AOPEP: variants seen among roughly 807,000 people sequenced by gnomAD.
AOPEP encodes the protein aminopeptidase O (putative), also known as aminopeptidase O.
A neutral mutation model predicts 98.1 loss-of-function variants in AOPEP; 77 were observed. The ratio of observed to expected loss-of-function variants is 0.78; its 90% CI spans 0.65 to 0.95. AOPEP has a LOEUF of 0.95. Among genes scored for constraint, AOPEP ranks in the 40% least tolerant of loss-of-function variants. The pLI, the probability that AOPEP is intolerant of heterozygous loss-of-function variation, is 0.00. For synonymous variants in AOPEP, 346 were observed against 365.3 expected, an observed-to-expected ratio of 0.95 and a Z score of 0.60; for missense variants, 1,024 against 1,024.7, an observed-to-expected ratio of 1.00 and a Z score of 0.01.
the AOPEP span, chr9:95,100,444 C>T: frequency 1.3e-5 from 3 of 231,408 alleles, no homozygotes; most frequent in East Asian, 1.8e-4. Context: ...AAACTTTGCT[C>T]ATACCTCAAA....
In AOPEP at chr9:95,086,710, G is replaced by A. The variant is rs2070748039; in HGVS notation, c.*33G>A. 35 of 988,140 alleles carry A rather than the reference G, an allele frequency of 3.5e-5. No individual in the cohort carries two copies. In the South Asian group the frequency reaches 5.1e-4, roughly 15 times the overall value. The allele number at this position is 988,140 out of a possible 1,614,324, so 61.2% of individuals were successfully genotyped here. A position where few individuals can be genotyped will look rare whatever the true frequency, so the allele number is the denominator to read the frequency against. The stretch of plus-strand genomic sequence containing the variant: ...AGACCACAGCAAGATTCTTTCATTC[G>A]TCTCCTCCTAGCCTGGGGGACCAGG... On this transcript the variant is annotated 3_prime_UTR_variant, in exon 17 of 17. Coordinates refer to ENST00000375315, the MANE Select transcript of AOPEP (RefSeq NM_001193329.3).
the AOPEP span, chr9:95,111,079 G>A: frequency 6.6e-7 from 1 of 1,511,110 alleles, no homozygotes; most frequent in Non-Finnish European, 8.8e-7. Flanking sequence ...AGCGAGACAG[G>A]GCCCTGGCTG....
chr9:95,054,984 T>C (rs1384730215), intron 13 of AOPEP, among the ~76,000 whole-genome samples: 2 of 152,254 alleles, frequency 1.3e-5, no homozygotes, highest in African/African-American at 2.4e-5. Flanking sequence ...AGACTTCTAC[T>C]TGTAAGTTTC....
chr9:95,118,961 A>G, the AOPEP span, among the ~76,000 whole-genome samples: 1 of 152,196 alleles, frequency 6.6e-6, no homozygotes, highest in Non-Finnish European at 1.5e-5. Flanking sequence ...TCACAGATAG[A>G]TGCTTGTTTA....
At position 95,060,688 on chromosome 9, in the gene AOPEP, C is replaced by T; in HGVS notation, c.2116-6C>T. On this transcript the variant is annotated splice_region_variant and splice_polypyrimidine_tract_variant and intron_variant, in intron 13 of 16. Transcript: ENST00000375315. ...ATTTTCATAGGCTGTTTGGTTTTGT[C>T]TTTAGCTTCTTCCAGACCAGCTGGT... 6.3e-7 allele frequency: 1 copy of T among 1,599,994 alleles called. No individual in the cohort carries two copies. Among genetic ancestry groups the T allele is most frequent in the South Asian group, 1.1e-5 (1 of 90,806 alleles).
downstream of AOPEP, among the ~76,000 whole-genome samples, chr9:95,089,049 G>C (rs1347357463): frequency 6.6e-6 from 1 of 152,318 alleles, no homozygotes; most frequent in African/African-American, 2.4e-5. Context: ...CAGGCAGGAG[G>C]CTCCCCGAGG....
At chr9:95,016,141 T>C (rs867753016) in intron 13 of AOPEP, among the ~76,000 whole-genome samples, 189 of 151,600 alleles carry the variant, frequency 1.2e-3, no homozygotes, top group Admixed American at 2.4e-3. Flanking sequence ...TTTTTTTTTT[T>C]TCCCCCCACG....
chr9:95,115,764 T>C, the AOPEP span, among the ~76,000 whole-genome samples: 1 of 152,254 alleles, frequency 6.6e-6, no homozygotes, highest in East Asian at 1.9e-4. Flanking sequence ...CGGCCCTTGG[T>C]GCACAGCCTT....
intron 5 of AOPEP, among the ~76,000 whole-genome samples, chr9:94,880,882 T>C (rs1407916657): frequency 6.6e-6 from 1 of 152,178 alleles, no homozygotes; most frequent in Non-Finnish European, 1.5e-5. Flanking sequence ...GACTTTGGCA[T>C]AGGACCCACG....
the AOPEP span, among the ~76,000 whole-genome samples, chr9:95,097,465 A>T: frequency 6.6e-6 from 1 of 152,122 alleles, no homozygotes; most frequent in Non-Finnish European, 1.5e-5. Context: ...TGTGGAAAGG[A>T]GTGGGCACAA....
At chr9:94,917,229 G>T (rs2052965870) in intron 5 of AOPEP, among the ~76,000 whole-genome samples, 1 of 151,492 alleles carries the variant, frequency 6.6e-6, no homozygotes, top group South Asian at 2.1e-4. Flanking sequence ...TGCTCTGCTG[G>T]TCAGTAGCTG....
intron 14 of AOPEP, 99 bp downstream of exon 14, chr9:95,060,909 T>C: frequency 1.3e-6 from 1 of 791,062 alleles, no homozygotes; most frequent in South Asian, 1.4e-5. Context: ...CCACCATTTC[T>C]ATTAGCAAAA....
chr9:95,148,765 G>A, the AOPEP span, among the ~76,000 whole-genome samples: 1 of 152,172 alleles, frequency 6.6e-6, no homozygotes, highest in Non-Finnish European at 1.5e-5. Flanking sequence ...CAGACCAATG[G>A]GTTTCTAATG....
downstream of AOPEP, among the ~76,000 whole-genome samples, chr9:95,091,084 A>G (rs897387275): frequency 6.6e-6 from 1 of 152,182 alleles, no homozygotes; most frequent in Middle Eastern, 3.2e-3. Flanking sequence ...CAGTGACCTC[A>G]CCAAAGGCAG....
At chr9:94,981,588 GC>G (rs2060188052) in intron 11 of AOPEP, among the ~76,000 whole-genome samples, 1 of 152,106 alleles carries the variant, frequency 6.6e-6, no homozygotes. Flanking sequence ...TCTACTCTCA[GC>G]CCCTTTCCCA....
At chr9:95,027,165 G>A (rs1432283547) in intron 13 of AOPEP, among the ~76,000 whole-genome samples, 1 of 152,138 alleles carries the variant, frequency 6.6e-6, no homozygotes, top group Non-Finnish European at 1.5e-5. Context: ...GGGAGGCTGA[G>A]GTGGGAGGAT....
chr9:94,850,403 G>A (rs1291979829), intron 5 of AOPEP, among the ~76,000 whole-genome samples: 1 of 152,182 alleles, frequency 6.6e-6, no homozygotes, highest in Non-Finnish European at 1.5e-5. Flanking sequence ...GGACACTACA[G>A]AAATGACCAC....
At chr9:95,080,040 CCTCA>C (rs2069560595) in intron 14 of AOPEP, among the ~76,000 whole-genome samples, 1 of 152,282 alleles carries the variant, frequency 6.6e-6, no homozygotes, top group Admixed American at 6.5e-5. Flanking sequence ...GAAAGGGAAC[CCTCA>C]CTCACAGCAC....
At chr9:95,110,976 G>T in the AOPEP span, 12 of 1,414,918 alleles carry the variant, frequency 8.5e-6, no homozygotes, top group Non-Finnish European at 1.1e-5. Flanking sequence ...TTTAGTAAGA[G>T]ATGTAAATAA....
Sources: gnomAD v4.1 joint callset for allele counts (sites outside exome capture counted in the v4.1 genomes callset) on GRCh38, gnomAD v4.1.1 for gene constraint, MANE v1.5 for transcripts, NCBI Gene and HGNC (gene_info 2026-07-23, HGNC 2026-07-21) for gene names.